The following FGF14 variants were observed in gnomAD, a reference collection of about 807,000 sequenced individuals.
FGF14 encodes the protein fibroblast growth factor homologous factor 4.
In FGF14, 5 loss-of-function variants were observed where a neutral mutation model predicts 25.5. The ratio of observed to expected loss-of-function variants is 0.20; its 90% CI spans 0.10 to 0.41. The LOEUF (loss-of-function observed/expected upper bound fraction) is 0.41. Among genes scored for constraint, FGF14 ranks in the 10% least tolerant of loss-of-function variants. The pLI is 1.00. For synonymous variants in FGF14, 138 were observed against 118.3 expected, an observed-to-expected ratio of 1.17 and a Z score of -1.08; for missense variants, 222 against 320.1, an observed-to-expected ratio of 0.69 and a Z score of 2.34.
chr13:101,977,170 C>T (rs1275066875), intron 1 of FGF14, among the ~76,000 whole-genome samples: 1 of 149,856 alleles, frequency 6.7e-6, no homozygotes, highest in Non-Finnish European at 1.5e-5. Context: ...ACATTAACAA[C>T]ACCCATGAGG....
chr13:102,226,868 C>T (rs2050847709), intron 1 of FGF14, among the ~76,000 whole-genome samples: 1 of 152,112 alleles, frequency 6.6e-6, no homozygotes, highest in South Asian at 2.1e-4. Flanking sequence ...ACCTTCCTTC[C>T]TCTACCCCCT....
At chr13:101,841,680 ACCT>A (rs2043200509) in intron 3 of FGF14, among the ~76,000 whole-genome samples, 1 of 152,106 alleles carries the variant, frequency 6.6e-6, no homozygotes, top group South Asian at 2.1e-4. Context: ...TCAATGCTTG[ACCT>A]TATAGTAGTT....
intron 1 of FGF14, among the ~76,000 whole-genome samples, chr13:102,239,810 G>C (rs1335406799): frequency 6.6e-6 from 1 of 151,892 alleles, no homozygotes; most frequent in African/African-American, 2.4e-5. Flanking sequence ...CTTCACAACA[G>C]GTCATCTTCC....
chr13:102,018,472 C>T (rs1230625421), intron 1 of FGF14, among the ~76,000 whole-genome samples: 1 of 152,070 alleles, frequency 6.6e-6, no homozygotes, highest in Non-Finnish European at 1.5e-5. Context: ...GTTTCCATGC[C>T]ATCACTGGTT....
At chr13:102,076,538 C>A (rs898682543) in intron 1 of FGF14, among the ~76,000 whole-genome samples, 1 of 151,988 alleles carries the variant, frequency 6.6e-6, no homozygotes, top group African/African-American at 2.4e-5. Context: ...AAGCAACACA[C>A]AACTGTTTTG....
chr13:102,255,555 G>A (rs559954473), intron 1 of FGF14, among the ~76,000 whole-genome samples: 1 of 152,288 alleles, frequency 6.6e-6, no homozygotes, highest in South Asian at 2.1e-4. Context: ...CACAGGCAGA[G>A]ATACAGTCAG....
chr13:102,010,489 A>AG (rs1311538038), intron 1 of FGF14, among the ~76,000 whole-genome samples: 2 of 152,140 alleles, frequency 1.3e-5, no homozygotes, highest in East Asian at 1.9e-4. Flanking sequence ...GTAACCACTG[A>AG]GAAAAAAAAG....
intron 1 of FGF14, among the ~76,000 whole-genome samples, chr13:102,269,217 C>T (rs1015347379): frequency 6.6e-6 from 1 of 152,178 alleles, no homozygotes; most frequent in African/African-American, 2.4e-5. Context: ...GCAAATTCAA[C>T]AGTCAAGGCA....
intron 3 of FGF14, among the ~76,000 whole-genome samples, chr13:101,748,549 A>G (rs9557732): frequency 0.15 from 23,204 of 151,644 alleles, 1,865 homozygotes; most frequent in African/African-American, 0.18. Context: ...CTAAAAGCCC[A>G]TACTTTACCA....
chr13:102,173,700 T>C (rs2048333323), intron 1 of FGF14, among the ~76,000 whole-genome samples: 1 of 152,182 alleles, frequency 6.6e-6, no homozygotes, highest in Non-Finnish European at 1.5e-5. Context: ...GAAGACATTA[T>C]GCTAAGTGAA....
chr13:101,962,124 T>C (rs71441531), intron 1 of FGF14, among the ~76,000 whole-genome samples: 15,900 of 152,158 alleles, frequency 0.1, 956 homozygotes, highest in Admixed American at 0.2. Context: ...TTAATGGGTA[T>C]AGCATTGAAT....
chr13:101,786,084 C>T (rs979742109), intron 3 of FGF14, among the ~76,000 whole-genome samples: 3 of 152,176 alleles, frequency 2.0e-5, no homozygotes, highest in Non-Finnish European at 2.9e-5. Context: ...CAACAAACAG[C>T]GCTGGCTGCT....
chr13:101,998,132 C>A (rs547806669), intron 1 of FGF14, among the ~76,000 whole-genome samples: 1 of 151,856 alleles, frequency 6.6e-6, no homozygotes, highest in South Asian at 2.1e-4. Flanking sequence ...AGTCGCAATA[C>A]GCTTCTCAAA....
chr13:102,260,070 C>T (rs935615127), intron 1 of FGF14, among the ~76,000 whole-genome samples: 2 of 150,460 alleles, frequency 1.3e-5, no homozygotes, highest in South Asian at 2.2e-4. Flanking sequence ...CAAGAAAGAG[C>T]GGGGAGGAGG....
At chr13:102,320,944 G>A (rs758289232) in intron 1 of FGF14, among the ~76,000 whole-genome samples, 8 of 152,122 alleles carry the variant, frequency 5.3e-5, no homozygotes, top group African/African-American at 1.2e-4. Context: ...AATAGGACCA[G>A]TATGGCTATA....
chr13:101,994,542 G>T (rs1406964906), intron 1 of FGF14, among the ~76,000 whole-genome samples: 1 of 151,954 alleles, frequency 6.6e-6, no homozygotes, highest in Non-Finnish European at 1.5e-5. Flanking sequence ...GAGTGCCGTT[G>T]TAAGTTGGTT....
At chr13:101,854,011 T>C (rs9518584) in intron 3 of FGF14, among the ~76,000 whole-genome samples, 7 of 152,118 alleles carry the variant, frequency 4.6e-5, no homozygotes, top group Non-Finnish European at 5.9e-5. Context: ...ATCACTATTA[T>C]ATGATGAGAT....
chr13:102,142,401 A>T (rs367697151), intron 1 of FGF14, among the ~76,000 whole-genome samples: 8 of 152,162 alleles, frequency 5.3e-5, no homozygotes, highest in African/African-American at 1.9e-4. Flanking sequence ...CTTAAAAAAA[A>T]AAATGGAAAA....
chr13:102,152,637 G>C (rs9585860), intron 1 of FGF14, among the ~76,000 whole-genome samples: 1 of 152,168 alleles, frequency 6.6e-6, no homozygotes, highest in Admixed American at 6.5e-5. Context: ...ACTGGTGTCA[G>C]GGAATTTGCT....
Sources: gnomAD v4.1 joint callset for allele counts (sites outside exome capture counted in the v4.1 genomes callset) on GRCh38, gnomAD v4.1.1 for gene constraint, MANE v1.5 for transcripts, NCBI Gene and HGNC (gene_info 2026-07-23, HGNC 2026-07-21) for gene names.